The following GYPB variants were observed in gnomAD, a reference collection of about 807,000 sequenced individuals.
The protein encoded by GYPB is glycophorin-B.
A neutral mutation model predicts 15.3 loss-of-function variants in GYPB; 13 were observed. That is an observed-to-expected ratio of 0.85 (90% CI 0.55 to 1.35). The LOEUF is 1.35. Among genes scored for constraint, GYPB ranks in the 40% most tolerant of loss-of-function variants. The pLI is 0.00. For synonymous variants in GYPB, 38 were observed against 36.9 expected (o/e 1.03, Z -0.11); for missense variants, 131 against 108.3 (o/e 1.21, Z -0.93).
intron 1 of GYPB, among the ~76,000 whole-genome samples, chr4:144,017,199 A>G (rs988844909): frequency 2.0e-5 from 3 of 150,890 alleles, no homozygotes; most frequent in African/African-American, 7.4e-5. Context: ...GCAGGAATTC[A>G]GGGACTGGGA....
intron 2 of GYPB, 109 bp downstream of exon 2, chr4:144,001,076 C>T: frequency 1.3e-6 from 2 of 1,574,224 alleles, no homozygotes; most frequent in Non-Finnish European, 1.7e-6. Context: ...ACTTAGCTCG[C>T]ATTTCTCAGT....
rs1323942958 is a variant in GYPB, at chr4:143,998,032, G to A, written c.176-398C>T. Among the ~76,000 whole-genome samples, 3 of 151,396 alleles carry A rather than the reference G, an allele frequency of 2.0e-5. 1 individual carries two copies. The highest frequency in any genetic ancestry group is 7.4e-5 in the African/African-American group (3 of 40,704). The stretch of plus-strand genomic sequence containing the variant: ...GAAAACAATGTCTTAACATATAAAA[G>A]AGCATTGAACAGATCATAGAATCAT... On this transcript the variant is annotated intron_variant, in intron 3 of 4. Coordinates refer to ENST00000502664, the MANE Select transcript of GYPB (RefSeq NM_002100.6).
intron 1 of GYPB, among the ~76,000 whole-genome samples, chr4:144,004,680 G>A (rs1350492302): frequency 3.3e-5 from 5 of 150,682 alleles, no homozygotes; most frequent in African/African-American, 1.2e-4. Context: ...CAAAATTCAA[G>A]GTAAGGAAAC....
chr4:144,005,981 T>C (rs1727892854), intron 1 of GYPB, among the ~76,000 whole-genome samples: 1 of 151,552 alleles, frequency 6.6e-6, no homozygotes, highest in Non-Finnish European at 1.5e-5. Context: ...AGGCAAGTGT[T>C]GGCAAATCTC....
chr4:144,013,407 T>G (rs1482938564), intron 1 of GYPB, among the ~76,000 whole-genome samples: 1 of 151,252 alleles, frequency 6.6e-6, no homozygotes, highest in South Asian at 2.1e-4. Flanking sequence ...GACCCAGCCA[T>G]CCAATTACTG....
rs1490447636 is a variant in GYPB at position 143,996,357 on chromosome 4, T to C, written c.271-53A>G. 8 of 1,549,812 alleles carry C rather than the reference T, an allele frequency of 5.2e-6. No individual in the cohort carries two copies. The African/African-American group carries it at 1.1e-4, about 22-fold the overall frequency. ...CTTCAGCCTCTGCTTGACCATGAGC[T>C]AAGACTCCACTTCAGCCTCTGATTG... On this transcript the variant is annotated intron_variant, in intron 4 of 4. Coordinates refer to ENST00000502664, the MANE Select transcript of GYPB (RefSeq NM_002100.6).
At chr4:143,995,752 A>T (rs1184458278), downstream of GYPB, among the ~76,000 whole-genome samples, 1 of 151,418 alleles carries the variant, frequency 6.6e-6, no homozygotes, top group African/African-American at 2.5e-5. Flanking sequence ...AAGTAAGCCT[A>T]TCAAAAATCT....
chr4:144,012,924 G>A (rs1481146669), intron 1 of GYPB, among the ~76,000 whole-genome samples: 1 of 151,560 alleles, frequency 6.6e-6, no homozygotes, highest in Non-Finnish European at 1.5e-5. Flanking sequence ...GATATCAAAA[G>A]CGTAAGCAAC....
downstream of GYPB, among the ~76,000 whole-genome samples, chr4:143,995,707 G>T (rs867170387): frequency 6.6e-6 from 1 of 151,134 alleles, no homozygotes; most frequent in African/African-American, 2.5e-5. Context: ...CTTAACTCCT[G>T]GCAGGTGAAC....
intron 3 of GYPB, among the ~76,000 whole-genome samples, chr4:143,998,114 AG>A (rs1240056977): frequency 6.6e-6 from 1 of 151,454 alleles, no homozygotes; most frequent in Non-Finnish European, 1.5e-5. Context: ...AAGCTGAATA[AG>A]GTTAACTTAG....
chr4:144,012,273 T>C (rs1728253982), intron 1 of GYPB, among the ~76,000 whole-genome samples: 1 of 151,576 alleles, frequency 6.6e-6, no homozygotes. Flanking sequence ...CAACATAACA[T>C]ATTCTCCAAG....
chr4:143,999,396 C>G lies in GYPB; in HGVS notation c.175+15G>C, dbSNP rs377209785. The G allele has an allele frequency of 4.1e-6, 6 of 1,450,864 alleles. No individual in the cohort carries two copies. Among genetic ancestry groups the G allele is most frequent in the Non-Finnish European group, 5.8e-6 (6 of 1,041,218 alleles). The allele number at this position is 1,450,864 out of a possible 1,614,324, so 89.9% of individuals were successfully genotyped here. On this transcript the variant is annotated intron_variant, in intron 3 of 4. Transcript: ENST00000502664. The stretch of plus-strand genomic sequence containing the variant: ...AAATGGAATGACTTTTATTCTTTGT[C>G]AAATATTAACATACCTGGTACAGTG...
intron 1 of GYPB, among the ~76,000 whole-genome samples, chr4:144,003,220 T>C (rs146829797): frequency 0.013 from 2,033 of 151,596 alleles, 155 homozygotes; most frequent in African/African-American, 0.047. Flanking sequence ...CTTTGGCTTA[T>C]TTCTAGATAG....
chr4:144,002,698 G>T, intron 1 of GYPB: 1 of 1,286,658 alleles, frequency 7.8e-7, no homozygotes, highest in Non-Finnish European at 1.0e-6. Context: ...AAGTTTCCTG[G>T]AGAGCACACA....
At chr4:143,999,141 C>A (rs1045158103) in intron 3 of GYPB, 1 of 314,282 alleles carries the variant, frequency 3.2e-6, no homozygotes. Flanking sequence ...TTCCTGGGCT[C>A]AAGTGATTAG....
In GYPB at chr4:144,004,619, T is replaced by A. The variant is rs1386262032; in HGVS notation, c.38-3336A>T. 4.0e-5 allele frequency among the ~76,000 whole-genome samples: 6 copies of A among 151,182 alleles called. No individual in the cohort carries two copies. In the South Asian group the frequency reaches 6.2e-4, roughly 16 times the overall value. On this transcript the variant is annotated intron_variant, in intron 1 of 4. Coordinates refer to ENST00000502664, the MANE Select transcript of GYPB (RefSeq NM_002100.6). ...CATCTGGTTGAAAAAAAAAAAACAC[T>A]TATCTGGAAGGAGAAACCAAAGAAA...
chr4:144,011,854 G>A (rs949293856), intron 1 of GYPB, among the ~76,000 whole-genome samples: 1 of 151,098 alleles, frequency 6.6e-6, no homozygotes, highest in African/African-American at 2.5e-5. Flanking sequence ...GTTCAGGAAA[G>A]GTAGCAAGGG....
At chr4:144,004,227 A>G (rs1256183972) in intron 1 of GYPB, among the ~76,000 whole-genome samples, 6 of 151,836 alleles carry the variant, frequency 4.0e-5, no homozygotes. Flanking sequence ...TGCCCTAAAG[A>G]TAATTTGATA....
At chr4:144,005,872 T>C (rs1190539792) in intron 1 of GYPB, among the ~76,000 whole-genome samples, 1 of 151,262 alleles carries the variant, frequency 6.6e-6, no homozygotes, top group African/African-American at 2.5e-5. Flanking sequence ...GAGTTTTAGG[T>C]GAAGATGCAG....
Sources: allele counts gnomAD v4.1 joint callset (sites outside exome capture counted in the v4.1 genomes callset), GRCh38; gene constraint gnomAD v4.1.1; transcripts MANE v1.5; gene names NCBI Gene and HGNC (gene_info 2026-07-23, HGNC 2026-07-21).